Variants in MVB12B observed in about 807,000 individuals in gnomAD.
MVB12B encodes the protein multivesicular body subunit 12B.
In MVB12B, 16 loss-of-function variants were observed where a neutral mutation model predicts 41.6. That is an observed-to-expected ratio of 0.38 (90% CI 0.26 to 0.58). The LOEUF (loss-of-function observed/expected upper bound fraction) is 0.58, where lower values mean the gene tolerates loss of function less well. MVB12B is among the 20% of genes least tolerant of loss of function. The probability of loss-of-function intolerance (pLI) is 0.62; values close to 1 mark genes in which losing one functional copy is unlikely to be tolerated. For synonymous variants in MVB12B, 133 were observed against 139.7 expected (o/e 0.95, Z 0.34); for missense variants, 274 against 380.2 (o/e 0.72, Z 2.32).
At chr9:126,481,500 A>C in intron 8 of MVB12B, 76 bp downstream of exon 8, 3 of 1,088,362 alleles carry the variant, frequency 2.8e-6, no homozygotes, top group Non-Finnish European at 4.3e-6. Flanking sequence ...TTTACACAGC[A>C]CGCAGGGCTG....
chr9:126,463,787 T>C (rs1833139857), intron 7 of MVB12B, among the ~76,000 whole-genome samples: 1 of 152,204 alleles, frequency 6.6e-6, no homozygotes, highest in East Asian at 1.9e-4. Context: ...AAGATCCCTG[T>C]GCTGTGGTAC....
At chr9:126,400,734 G>T (rs1208057640) in intron 6 of MVB12B, among the ~76,000 whole-genome samples, 1 of 152,198 alleles carries the variant, frequency 6.6e-6, no homozygotes, top group Non-Finnish European at 1.5e-5. Context: ...GTCAGAGGAG[G>T]AGGTATGGAT....
chr9:126,503,653 A>C lies in MVB12B; in HGVS notation c.*390A>C, dbSNP rs995677373. 5 of 268,834 alleles carry C rather than the reference A, an allele frequency of 1.9e-5. No individual in the cohort carries two copies. In the South Asian group the frequency reaches 2.6e-4, roughly 14 times the overall value. The allele number at this position is 268,834 out of a possible 1,614,324, so 16.7% of individuals were successfully genotyped here. On this transcript the variant is annotated 3_prime_UTR_variant, in exon 10 of 10. Coordinates refer to ENST00000361171, the MANE Select transcript of MVB12B (RefSeq NM_033446.3). ...GCTCCCTCCTGTCACCTACCAGGGCAGACCCCACTAAGCCGTTGAGTCTCT... is the reference window on the plus strand; with the variant it reads ...GCTCCCTCCTGTCACCTACCAGGGCCGACCCCACTAAGCCGTTGAGTCTCT...
At chr9:126,429,171 C>A (rs138820450) in intron 7 of MVB12B, among the ~76,000 whole-genome samples, 59 of 152,310 alleles carry the variant, frequency 3.9e-4, no homozygotes, top group Middle Eastern at 3.4e-3. Flanking sequence ...ACATTTTTAT[C>A]ATCACCTATA....
chr9:126,432,282 A>T (rs1263822747), intron 7 of MVB12B, among the ~76,000 whole-genome samples: 2 of 152,234 alleles, frequency 1.3e-5, no homozygotes, highest in Non-Finnish European at 2.9e-5. Context: ...AAACAAAGGG[A>T]ACCCCCTTGA....
rs766510440 is a variant in MVB12B at position 126,340,628 on chromosome 9, G to A, written c.202G>A (p.Val68Ile). 21 of 1,613,754 alleles carry A rather than the reference G, an allele frequency of 1.3e-5. No homozygotes were observed. Among genetic ancestry groups the A allele is most frequent in the East Asian group, 4.5e-5 (2 of 44,882 alleles). ...GAACCGAGCCCCGACAGGCTATGAC[G>A]TAGTAAGTCAAGATACTAGTTTGTA... ...SRNRAPTGYD[V>I]VAQTADGVDA... The change falls in exon 2 of 10, where the codon GTA becomes ATA. Residue 68 changes from valine (V) to isoleucine (I), a missense_variant and splice_region_variant. Transcript: ENST00000361171. The surrounding 1 kb of genome is among the most constrained non-coding windows in gnomAD (Gnocchi z 4.0).
Position 126,478,115 on chromosome 9 carries a change from T to C in MVB12B, c.758-3254T>C, listed in dbSNP as rs547416006. 2.0e-5 allele frequency among the ~76,000 whole-genome samples: 3 copies of C among 152,214 alleles called. No homozygotes were observed. Among genetic ancestry groups the C allele is most frequent in the Non-Finnish European group, 2.9e-5 (2 of 68,040 alleles). On this transcript the variant is annotated intron_variant, in intron 7 of 9. Coordinates refer to ENST00000361171, the MANE Select transcript of MVB12B (RefSeq NM_033446.3). This position sits in a 1 kb window ranked among gnomAD's most constrained non-coding sequence, Gnocchi z 4.2. ...TGATGATCGCACACCATTGTGAATGTTCTAAATGCCACTGAATTGTTCACT... is the reference window on the plus strand; with the variant it reads ...TGATGATCGCACACCATTGTGAATGCTCTAAATGCCACTGAATTGTTCACT...
At chr9:126,336,310 A>T (rs1829272279) in intron 1 of MVB12B, among the ~76,000 whole-genome samples, 1 of 152,238 alleles carries the variant, frequency 6.6e-6, no homozygotes, top group Non-Finnish European at 1.5e-5. Flanking sequence ...GTGATACAGT[A>T]GCTCTGTTTT....
At chr9:126,457,659 G>A (rs2119170985) in intron 7 of MVB12B, among the ~76,000 whole-genome samples, 1 of 152,276 alleles carries the variant, frequency 6.6e-6, no homozygotes, top group African/African-American at 2.4e-5. Context: ...GCGGTTGCCA[G>A]TACTTCCATT....
intron 7 of MVB12B, among the ~76,000 whole-genome samples, chr9:126,446,918 TA>T (rs1832781597): frequency 2.0e-5 from 1 of 51,124 alleles, no homozygotes; most frequent in Non-Finnish European, 4.8e-5. Flanking sequence ...TTATCTGTAT[TA>T]GTTCTTTTTT....
At chr9:126,342,267 C>G (rs1829464610) in intron 2 of MVB12B, among the ~76,000 whole-genome samples, 1 of 152,150 alleles carries the variant, frequency 6.6e-6, no homozygotes, top group Non-Finnish European at 1.5e-5. Context: ...TCTCAGGGAG[C>G]TTGAGCCCAA....
chr9:126,476,103 C>T (rs1457351235), intron 7 of MVB12B, among the ~76,000 whole-genome samples: 1 of 100,032 alleles, frequency 1.0e-5, no homozygotes, highest in Non-Finnish European at 2.7e-5. Flanking sequence ...CTGAGGGCCC[C>T]CCTTGCTGCT....
At chr9:126,490,575 T>G (rs1833711566) in intron 9 of MVB12B, among the ~76,000 whole-genome samples, 1 of 152,196 alleles carries the variant, frequency 6.6e-6, no homozygotes, top group African/African-American at 2.4e-5. Flanking sequence ...CACATTAGCC[T>G]GCCGCACTCC....
intron 7 of MVB12B, among the ~76,000 whole-genome samples, chr9:126,423,180 C>T (rs987150615): frequency 2.6e-5 from 4 of 152,324 alleles, no homozygotes; most frequent in African/African-American, 7.2e-5. Flanking sequence ...TCCAGCAGGG[C>T]GCCCCCATTC....
intron 7 of MVB12B, among the ~76,000 whole-genome samples, chr9:126,458,684 T>C (rs939743357): frequency 1.3e-5 from 2 of 152,202 alleles, no homozygotes; most frequent in Admixed American, 6.5e-5. Flanking sequence ...TTCTAGGCTG[T>C]TAGGTTCCAT....
chr9:126,415,541 C>T (rs935271127), intron 6 of MVB12B, among the ~76,000 whole-genome samples: 2 of 152,130 alleles, frequency 1.3e-5, no homozygotes, highest in South Asian at 2.1e-4. Flanking sequence ...GTAAAAATAT[C>T]GTGAATCAGA....
At chr9:126,424,989 A>G (rs1462878800) in intron 7 of MVB12B, among the ~76,000 whole-genome samples, 1 of 152,380 alleles carries the variant, frequency 6.6e-6, no homozygotes, top group East Asian at 1.9e-4. Flanking sequence ...CAAAACATCC[A>G]TACAGTAGCC....
intron 8 of MVB12B, among the ~76,000 whole-genome samples, chr9:126,483,050 G>C (rs747967379): frequency 3.5e-4 from 54 of 152,238 alleles, no homozygotes; most frequent in Admixed American, 6.5e-4. Context: ...GGAGGCTCCA[G>C]CTCCCCTCCC....
rs112937092 is a variant in MVB12B, at chr9:126,490,605, A to G, written c.873+6573A>G. ...CACTCCTGGCGGAGCAACAGCCTCC[A>G]TTTTCATTCGACTTTAAAGCCGAAA... is the stretch of plus-strand genomic sequence containing the variant. On this transcript the variant is annotated intron_variant, in intron 9 of 9. Transcript: ENST00000361171. Among the ~76,000 whole-genome samples the G allele has an allele frequency of 1.3e-3, 195 of 152,304 alleles. 1 individual carries two copies. Among genetic ancestry groups the G allele is most frequent in the African/African-American group, 4.6e-3 (192 of 41,566 alleles).
Sources: allele counts gnomAD v4.1 joint callset (sites outside exome capture counted in the v4.1 genomes callset), GRCh38; gene constraint gnomAD v4.1.1; non-coding constraint Gnocchi (gnomAD v3.1); transcripts MANE v1.5; gene names NCBI Gene and HGNC (gene_info 2026-07-23, HGNC 2026-07-21).